The following LRBA variants were observed in gnomAD, a reference collection of about 807,000 sequenced individuals.
LRBA encodes LPS responsive beige-like anchor protein.
LRBA carries 176 observed loss-of-function variants against 330.0 expected under a neutral mutation model. That is an observed-to-expected ratio of 0.53 (90% CI 0.47 to 0.60). The LOEUF (loss-of-function observed/expected upper bound fraction) is 0.60. Among genes scored for constraint, LRBA ranks in the 20% least tolerant of loss-of-function variants. LRBA has a pLI of 0.00. For synonymous variants in LRBA, 1,230 were observed against 1,193.0 expected (o/e 1.03, Z -0.64); for missense variants, 3,259 against 3,444.8 (o/e 0.95, Z 1.35).
chr4:150,848,797 C>G (rs775569042), intron 26 of LRBA, 21 bp downstream of exon 26: 5 of 1,559,448 alleles, frequency 3.2e-6, no homozygotes, highest in Non-Finnish European at 4.3e-6. Context: ...AGTAAATTCC[C>G]AACGGTTTTT....
chr4:150,500,854 C>T (rs1011462165), intron 40 of LRBA, among the ~76,000 whole-genome samples: 3 of 152,150 alleles, frequency 2.0e-5, no homozygotes, highest in Non-Finnish European at 1.5e-5. Flanking sequence ...GAACTTGATG[C>T]TAAGAGCCTA....
chr4:150,315,440 A>C (rs955913927), intron 51 of LRBA, 121 bp downstream of exon 51: 14 of 825,186 alleles, frequency 1.7e-5, no homozygotes, highest in Admixed American at 1.5e-4. Context: ...ATTTGCATGC[A>C]AATGGTTTAT....
intron 36 of LRBA, among the ~76,000 whole-genome samples, chr4:150,706,422 T>C (rs1334791428): frequency 2.0e-5 from 3 of 151,778 alleles, no homozygotes; most frequent in Non-Finnish European, 3.0e-5. Flanking sequence ...ATTGAATTAA[T>C]AACACAATCT....
chr4:150,915,849 CT>C (rs1223960210), intron 7 of LRBA, 122 bp from the exon 8 acceptor site: 7 of 631,982 alleles, frequency 1.1e-5, no homozygotes, highest in Non-Finnish European at 1.7e-5. Flanking sequence ...ACAAGACTAC[CT>C]TTGTTAAATT....
At chr4:150,787,533 C>A (rs1479662427) in intron 34 of LRBA, among the ~76,000 whole-genome samples, 1 of 151,772 alleles carries the variant, frequency 6.6e-6, no homozygotes, top group Admixed American at 6.6e-5. Flanking sequence ...TCTTTTTAAT[C>A]TTTCTGGGTA....
At chr4:150,484,714 T>C (rs1371115902) in intron 42 of LRBA, among the ~76,000 whole-genome samples, 2 of 151,786 alleles carry the variant, frequency 1.3e-5, no homozygotes, top group Non-Finnish European at 2.9e-5. Context: ...GCTAAGATCA[T>C]TGATTTTAGG....
At chr4:150,811,229 C>A (rs1248268149) in intron 31 of LRBA, among the ~76,000 whole-genome samples, 2 of 152,148 alleles carry the variant, frequency 1.3e-5, no homozygotes, top group Non-Finnish European at 2.9e-5. Flanking sequence ...TTAAATAGTT[C>A]TGTTTTCTTA....
At chr4:150,340,796 G>T (rs11935030) in intron 48 of LRBA, among the ~76,000 whole-genome samples, 51,857 of 151,936 alleles carry the variant, frequency 0.34, 9,116 homozygotes, top group Middle Eastern at 0.4. Context: ...TTTGATATTA[G>T]ACTTACAAAG....
chr4:150,579,727 C>G, intron 40 of LRBA: 1 of 456,520 alleles, frequency 2.2e-6, no homozygotes, highest in South Asian at 1.5e-5. Flanking sequence ...GGACGCCCCA[C>G]CCGAGAGAAG....
intron 47 of LRBA, among the ~76,000 whole-genome samples, chr4:150,384,926 C>T (rs1455201436): frequency 6.6e-6 from 1 of 152,052 alleles, no homozygotes; most frequent in Non-Finnish European, 1.5e-5. Context: ...TCGAGGCCTG[C>T]AGAGCACTGT....
rs755575891 is a variant in LRBA, at chr4:150,335,532, G to GTATA, written c.7363-9638_7363-9635dup. ...ACACATATACGTATTATATATGTGT[G>GTATA]TATATATATATATACACACACACAT... On this transcript the variant is annotated intron_variant, in intron 48 of 56. Transcript: ENST00000651943. Among the ~76,000 whole-genome samples the GTATA allele has an allele frequency of 1.9e-3, 268 of 144,802 alleles. 1 individual carries two copies. The highest frequency in any genetic ancestry group is 6.7e-3 in the African/African-American group (262 of 38,972). 95.0% of individuals were successfully genotyped at this position (144,802 alleles called of 152,430 possible). A position where few individuals can be genotyped will look rare whatever the true frequency, so the allele number is the denominator to read the frequency against.
chr4:150,981,180 G>A (rs981988884), intron 2 of LRBA, among the ~76,000 whole-genome samples: 17 of 151,458 alleles, frequency 1.1e-4, no homozygotes, highest in East Asian at 5.8e-4. Flanking sequence ...TTGGGAGGCC[G>A]CGGTGGGCAG....
intron 44 of LRBA, among the ~76,000 whole-genome samples, chr4:150,462,873 A>T (rs1316603009): frequency 6.6e-6 from 1 of 151,902 alleles, no homozygotes; most frequent in East Asian, 1.9e-4. Flanking sequence ...ACAAATTTTA[A>T]TACAATTCTA....
At chr4:150,436,911 C>G (rs746708202) in intron 44 of LRBA, 47 bp from the exon 45 acceptor site, 3 of 1,557,732 alleles carry the variant, frequency 1.9e-6, no homozygotes, top group Non-Finnish European at 2.7e-6. Flanking sequence ...ATGTAATCAT[C>G]CTTCATGTCT....
At chr4:150,644,865 A>C (rs1408411401) in intron 37 of LRBA, among the ~76,000 whole-genome samples, 1 of 151,896 alleles carries the variant, frequency 6.6e-6, no homozygotes, top group Non-Finnish European at 1.5e-5. Flanking sequence ...AACAACTTAC[A>C]AAGTTTGTGA....
intron 36 of LRBA, among the ~76,000 whole-genome samples, chr4:150,724,086 G>A (rs1045079256): frequency 1.1e-4 from 17 of 152,194 alleles, no homozygotes; most frequent in East Asian, 5.8e-4. Flanking sequence ...TCCAGTCCCT[G>A]GCTCCCAGAC....
chr4:150,925,936 G>C (rs2149503185), intron 4 of LRBA, among the ~76,000 whole-genome samples: 1 of 152,264 alleles, frequency 6.6e-6, no homozygotes, highest in East Asian at 1.9e-4. Flanking sequence ...ACAGTTTTCA[G>C]TATGCAGGAA....
Position 150,658,164 on chromosome 4 carries a change from A to G in LRBA, c.5921+25387T>C, listed in dbSNP as rs543280431. ...CCACAGATATTGTGCTCTCAAAAAC[A>G]ATTGAATTCTAAAAAAGTTTGAAAA... On this transcript the variant is annotated intron_variant, in intron 37 of 56. Coordinates refer to ENST00000651943, the MANE Select transcript of LRBA (RefSeq NM_001364905.1). 4.4e-5 allele frequency among the ~76,000 whole-genome samples: 6 copies of G among 135,134 alleles called. No homozygotes were observed. In the East Asian group the frequency reaches 1.4e-3, roughly 32 times the overall value. The allele number at this position is 135,134 out of a possible 152,430, so 88.7% of individuals were successfully genotyped here. A position where few individuals can be genotyped will look rare whatever the true frequency, so the allele number is the denominator to read the frequency against.
rs368449672 is a variant in LRBA, at chr4:150,851,892, A to G, written c.3818T>C (p.Val1273Ala). 2 of 1,606,742 alleles carry G rather than the reference A, an allele frequency of 1.2e-6. No homozygotes were observed. Among genetic ancestry groups the G allele is most frequent in the African/African-American group, 2.7e-5 (2 of 74,586 alleles). Residue 1273 changes from valine (V) to alanine (A), a missense_variant, in exon 23 of 57, where the codon GTG becomes GCG. Physicochemically the swap from Val to Ala is moderately conservative, Grantham distance 64. Transcript: ENST00000651943. ...GACAATATATAAAATCACCTCAAGC[A>G]CATGTCGATGAGGTTGAGGTGCTTC... Reference protein sequence around the residue: ...NVEAPQPHRHVLEISRQHEQP... With the variant: ...NVEAPQPHRHALEISRQHEQP...
Sources: allele counts gnomAD v4.1 joint callset (sites outside exome capture counted in the v4.1 genomes callset), GRCh38; gene constraint gnomAD v4.1.1; transcripts MANE v1.5; gene names NCBI Gene and HGNC (gene_info 2026-07-23, HGNC 2026-07-21).